The following PHIP variants were observed in gnomAD, a reference collection of about 807,000 sequenced individuals.
PHIP encodes PHIP subunit of CUL4-Ring ligase complex.
A neutral mutation model predicts 236.8 loss-of-function variants in PHIP; 54 were observed. The observed-to-expected ratio is 0.23, with a 90% CI of 0.18 to 0.29. PHIP has a LOEUF of 0.29. Ranked by LOEUF, PHIP falls within the 10% of genes least tolerant of loss-of-function variation. PHIP has a pLI of 1.00. For missense variants in PHIP, 1,370 were observed against 2,190.8 expected (o/e 0.63, Z 7.48); for synonymous variants, 756 against 718.9 (o/e 1.05, Z -0.83).
At position 79,060,723 on chromosome 6, in the gene PHIP, A is replaced by G. The variant is rs1011669655; in HGVS notation, c.285T>C (p.Pro95=). 3.7e-6 allele frequency: 6 copies of G among 1,613,412 alleles called. No homozygotes were observed. The highest frequency in any genetic ancestry group is 2.5e-6 in the Non-Finnish European group (3 of 1,179,398). The change falls in exon 5 of 40, where the codon CCT becomes CCC. Residue 95 remains proline (P), a synonymous_variant. Coordinates refer to ENST00000275034, the MANE Select transcript of PHIP (RefSeq NM_017934.7). The part of the protein sequence containing the change: ...LLEQEIPQSV[P]GVQTLLGAGR... ...CAGCTCCTAATAAAGTTTGTACTCC[A>G]GGAACACTTTGAGGAATTTCTTGTT...
intron 7 of PHIP, among the ~76,000 whole-genome samples, chr6:79,028,801 T>C (rs1331851271): frequency 6.6e-6 from 1 of 152,218 alleles, no homozygotes; most frequent in Non-Finnish European, 1.5e-5. Flanking sequence ...ATACAATTCA[T>C]ATCATTCTTA....
intron 6 of PHIP, among the ~76,000 whole-genome samples, chr6:79,054,183 A>G (rs1460928165): frequency 3.3e-5 from 5 of 151,930 alleles, no homozygotes; most frequent in African/African-American, 4.8e-5. Flanking sequence ...AGGCAAAAAA[A>G]AGGGAGGAAA....
intron 23 of PHIP, among the ~76,000 whole-genome samples, chr6:78,980,950 C>T (rs1768485561): frequency 6.6e-6 from 1 of 151,988 alleles, no homozygotes; most frequent in African/African-American, 2.4e-5. Flanking sequence ...TACATCAAGA[C>T]AGGTAAGTTG....
At chr6:79,075,634 GAAAA>G (rs139203192) in intron 4 of PHIP, among the ~76,000 whole-genome samples, 11 of 102,912 alleles carry the variant, frequency 1.1e-4, no homozygotes, top group African/African-American at 3.7e-4. Flanking sequence ...CATTTTTACT[GAAAA>G]AAAAAACAAA....
intron 6 of PHIP, among the ~76,000 whole-genome samples, chr6:79,052,709 C>T (rs1379149160): frequency 1.3e-5 from 2 of 152,116 alleles, no homozygotes; most frequent in Non-Finnish European, 2.9e-5. Flanking sequence ...TCAACACTTT[C>T]CCAAGGAATT....
At chr6:78,964,967 A>T (rs1001803201) in intron 29 of PHIP, among the ~76,000 whole-genome samples, 1 of 152,198 alleles carries the variant, frequency 6.6e-6, no homozygotes, top group African/African-American at 2.4e-5. Context: ...ACAAACAAAA[A>T]TGGGCAATGA....
chr6:79,066,589 T>G (rs1307443618), intron 4 of PHIP, among the ~76,000 whole-genome samples: 1 of 152,052 alleles, frequency 6.6e-6, no homozygotes, highest in East Asian at 1.9e-4. Flanking sequence ...TCAACAGACA[T>G]TAAACTGAGC....
chr6:79,016,499 T>C, intron 13 of PHIP, 45 bp downstream of exon 13: 1 of 1,250,192 alleles, frequency 8.0e-7, no homozygotes, highest in Non-Finnish European at 1.2e-6. Flanking sequence ...ATAACATACT[T>C]TAAAAAATCA....
rs542808346 is a variant in PHIP, at chr6:79,058,253, G to A, written c.439+2225C>T. Among the ~76,000 whole-genome samples, 26 of 152,004 alleles carry A rather than the reference G, an allele frequency of 1.7e-4. No homozygotes were observed. In the South Asian group the frequency reaches 5.2e-3, roughly 30 times the overall value. On this transcript the variant is annotated intron_variant, in intron 6 of 39. Transcript: ENST00000275034. ...TCTATGCTTGGATGCAAAACCCAAG[G>A]TATTTTTGCCATACGTATATATAGG...
At chr6:78,993,081 G>A (rs1769373664) in intron 19 of PHIP, among the ~76,000 whole-genome samples, 1 of 152,210 alleles carries the variant, frequency 6.6e-6, no homozygotes, top group South Asian at 2.1e-4. Flanking sequence ...AGTTTTTGCG[G>A]TCTGGATAGA....
intron 4 of PHIP, among the ~76,000 whole-genome samples, chr6:79,069,932 CA>C (rs1351741256): frequency 6.6e-6 from 1 of 151,886 alleles, no homozygotes; most frequent in Non-Finnish European, 1.5e-5. Context: ...ATTATCAATA[CA>C]AATACCAACA....
chr6:79,077,025 G>C (rs1279893706), intron 4 of PHIP, among the ~76,000 whole-genome samples: 1 of 152,156 alleles, frequency 6.6e-6, no homozygotes, highest in Non-Finnish European at 1.5e-5. Flanking sequence ...CTATTGTGTA[G>C]GGCAGGAGAA....
rs770091688 is a variant in PHIP, at chr6:79,077,517, G to C, written c.130-10C>G. ...TGCGCCGGGGCAGCAGCTGCGGGGA[G>C]AGGACACCCCGTGAGCCCGGCCCCC... On this transcript the variant is annotated splice_polypyrimidine_tract_variant and intron_variant, in intron 3 of 39. Coordinates refer to ENST00000275034, the MANE Select transcript of PHIP (RefSeq NM_017934.7). 2.0e-6 allele frequency: 3 copies of C among 1,534,088 alleles called. No individual in the cohort carries two copies. Among genetic ancestry groups the C allele is most frequent in the Non-Finnish European group, 2.6e-6 (3 of 1,138,002 alleles).
At chr6:79,072,589 T>G (rs887272291) in intron 4 of PHIP, among the ~76,000 whole-genome samples, 18 of 152,068 alleles carry the variant, frequency 1.2e-4, no homozygotes, top group Admixed American at 1.2e-3. Context: ...GCTCAGGCGA[T>G]CCTCTCACCT....
intron 15 of PHIP, among the ~76,000 whole-genome samples, chr6:79,013,343 C>T (rs1273372815): frequency 6.6e-6 from 1 of 151,612 alleles, no homozygotes; most frequent in Non-Finnish European, 1.5e-5. Flanking sequence ...TTATGTTTTG[C>T]TCACTGTCTG....
intron 31 of PHIP, among the ~76,000 whole-genome samples, chr6:78,961,405 T>C (rs1013596166): frequency 6.6e-6 from 1 of 152,066 alleles, no homozygotes; most frequent in Admixed American, 6.6e-5. Context: ...AGACAGTGAA[T>C]ATCAAATCAT....
At chr6:79,042,143 T>G (rs1217152930) in intron 7 of PHIP, among the ~76,000 whole-genome samples, 1 of 151,992 alleles carries the variant, frequency 6.6e-6, no homozygotes. Flanking sequence ...TAGTGTAGTA[T>G]TATGCTTAAT....
chr6:79,024,762 G>C (rs1333530915), intron 9 of PHIP, among the ~76,000 whole-genome samples: 4 of 152,086 alleles, frequency 2.6e-5, no homozygotes, highest in Admixed American at 1.3e-4. Context: ...CTGAGATCGC[G>C]ACACTGCAAT....
intron 24 of PHIP, among the ~76,000 whole-genome samples, chr6:78,975,236 T>G (rs1767959026): frequency 1.3e-5 from 2 of 152,026 alleles, no homozygotes. Context: ...AATCAATAAA[T>G]GTAATCCAGC....
Sources: gnomAD v4.1 joint callset for allele counts (sites outside exome capture counted in the v4.1 genomes callset) on GRCh38, gnomAD v4.1.1 for gene constraint, MANE v1.5 for transcripts, NCBI Gene and HGNC (gene_info 2026-07-23, HGNC 2026-07-21) for gene names.